The following PLLP variants were observed in gnomAD, a reference collection of about 807,000 sequenced individuals.
The protein encoded by PLLP is plasmolipin, also known as plasma membrane proteolipid (plasmolipin).
A neutral mutation model predicts 19.7 loss-of-function variants in PLLP; 15 were observed. The observed-to-expected ratio is 0.76, with a 90% CI of 0.51 to 1.17. PLLP has a LOEUF of 1.17. Ranked by LOEUF, PLLP falls within the 50% of genes most tolerant of loss-of-function variation. The pLI is 0.00. For synonymous variants in PLLP, 111 were observed against 116.3 expected (o/e 0.95, Z 0.29); for missense variants, 255 against 258.3 (o/e 0.99, Z 0.09).
chr16:57,277,924 G>C (rs1901173349), intron 1 of PLLP, among the ~76,000 whole-genome samples: 1 of 152,156 alleles, frequency 6.6e-6, no homozygotes, highest in African/African-American at 2.4e-5. Context: ...TTATGTCTCT[G>C]TAATTTTTTT....
At chr16:57,271,179 A>T (rs1345937565) in intron 1 of PLLP, among the ~76,000 whole-genome samples, 3 of 151,730 alleles carry the variant, frequency 2.0e-5, no homozygotes, top group Non-Finnish European at 2.9e-5. Context: ...AACGCAGAAG[A>T]AGTTGCAGCA....
chr16:57,271,761 T>G (rs1346064438), intron 1 of PLLP, among the ~76,000 whole-genome samples: 1 of 151,946 alleles, frequency 6.6e-6, no homozygotes, highest in African/African-American at 2.4e-5. Context: ...AGGTCCTCCC[T>G]CCACAGGCCG....
At chr16:57,260,924 T>C (rs553368473) in intron 2 of PLLP, among the ~76,000 whole-genome samples, 3 of 152,328 alleles carry the variant, frequency 2.0e-5, no homozygotes, top group South Asian at 4.1e-4. Flanking sequence ...CAGGGCTGCC[T>C]ACCTGGGCCA....
chr16:57,275,290 GA>G (rs1901136353), intron 1 of PLLP, among the ~76,000 whole-genome samples: 1 of 151,912 alleles, frequency 6.6e-6, no homozygotes, highest in South Asian at 2.1e-4. Context: ...GGGGTGGGGG[GA>G]TATCTTTTTA....
chr16:57,271,951 A>G (rs1322010836), intron 1 of PLLP, among the ~76,000 whole-genome samples: 1 of 151,748 alleles, frequency 6.6e-6, no homozygotes, highest in African/African-American at 2.4e-5. Context: ...TACCCCACAA[A>G]GCCTACCCAA....
At chr16:57,269,654 A>T (rs1471769456) in intron 1 of PLLP, among the ~76,000 whole-genome samples, 1 of 152,132 alleles carries the variant, frequency 6.6e-6, no homozygotes, top group African/African-American at 2.4e-5. Context: ...CACAGGAATG[A>T]CTACAGTGGG....
At chr16:57,280,420 C>G (rs1804812901) in intron 1 of PLLP, among the ~76,000 whole-genome samples, 1 of 152,086 alleles carries the variant, frequency 6.6e-6, no homozygotes, top group African/African-American at 2.4e-5. Context: ...TGGGAGCTCC[C>G]CATAAGCAAA....
At chr16:57,258,648 A>G (rs2075433261) in intron 2 of PLLP, 64 bp from the exon 3 acceptor site, 3 of 1,526,016 alleles carry the variant, frequency 2.0e-6, no homozygotes, top group Non-Finnish European at 2.7e-6. Flanking sequence ...GAGGCCAGAC[A>G]CGGTGGTTCA....
chr16:57,280,841 A>G (rs1159298665), intron 1 of PLLP, among the ~76,000 whole-genome samples: 1 of 152,236 alleles, frequency 6.6e-6, no homozygotes, highest in Non-Finnish European at 1.5e-5. Flanking sequence ...GAACACCACC[A>G]GACATCTGTG....
chr16:57,266,542 A>G (rs1262702044), intron 1 of PLLP, among the ~76,000 whole-genome samples: 4 of 152,166 alleles, frequency 2.6e-5, no homozygotes, highest in African/African-American at 9.7e-5. Context: ...AGGGGCCAAG[A>G]AAGATCTCAC....
chr16:57,261,397 G>A (rs2075441335), intron 2 of PLLP, among the ~76,000 whole-genome samples: 1 of 152,140 alleles, frequency 6.6e-6, no homozygotes, highest in African/African-American at 2.4e-5. Flanking sequence ...AGTCAAGCCT[G>A]TGTCCTTCCT....
At chr16:57,261,142 C>G (rs879576647) in intron 2 of PLLP, among the ~76,000 whole-genome samples, 1 of 151,912 alleles carries the variant, frequency 6.6e-6, no homozygotes, top group African/African-American at 2.4e-5. Context: ...CGCGCGCCAC[C>G]ACACCTGGCT....
chr16:57,276,234 A>G (rs1372450934), intron 1 of PLLP, among the ~76,000 whole-genome samples: 1 of 152,240 alleles, frequency 6.6e-6, no homozygotes, highest in Non-Finnish European at 1.5e-5. Flanking sequence ...AGGCAGGCAG[A>G]TCATCTGAGG....
Position 57,256,122 on chromosome 16 carries a change from T to TA in PLLP, c.*790dup, listed in dbSNP as rs1158773086. ...TAATTTCTCTCATCTTTATTTTTAT[T>TA]AAAAAAAATAAAACAGTCACCACCA... On this transcript the variant is annotated 3_prime_UTR_variant, in exon 4 of 4. Transcript: ENST00000219207. 4 of 397,898 alleles carry TA rather than the reference T, an allele frequency of 1.0e-5. No individual in the cohort carries two copies. The highest frequency in any genetic ancestry group is 1.3e-4 in the South Asian group (1 of 7,806). 24.6% of individuals were successfully genotyped at this position (397,898 alleles called of 1,614,324 possible).
intron 1 of PLLP, among the ~76,000 whole-genome samples, chr16:57,280,396 T>C (rs75815560): frequency 0.012 from 1,753 of 152,244 alleles, 39 homozygotes; most frequent in African/African-American, 0.04. Context: ...TTTATACTTA[T>C]TGTAAAAAGG....
intron 1 of PLLP, among the ~76,000 whole-genome samples, chr16:57,263,691 T>C (rs1214885909): frequency 2.0e-5 from 2 of 100,816 alleles, no homozygotes; most frequent in Non-Finnish European, 3.8e-5. Context: ...GCACCTCGGA[T>C]GTGGCCATCC....
rs776743553 is a variant in PLLP at position 57,256,965 on chromosome 16, C to T, written c.497G>A (p.Arg166Gln). 1.2e-5 allele frequency: 20 copies of T among 1,614,012 alleles called. 1 individual carries two copies. Among genetic ancestry groups the T allele is most frequent in the South Asian group, 4.4e-5 (4 of 91,076 alleles). The part of the protein sequence containing the change: ...VSAFFSYQAW[R>Q]GVGSNAATSQ... ...GGTGGCCGCATTGCTGCCTACTCCTCGCCAGGCCTGGTAGCTGAAGAAGGC... is the reference window on the plus strand; with the variant it reads ...GGTGGCCGCATTGCTGCCTACTCCTTGCCAGGCCTGGTAGCTGAAGAAGGC... Residue 166 changes from arginine to glutamine, a missense_variant, in exon 4 of 4, where the codon CGA (arginine) becomes CAA (glutamine). Coordinates refer to ENST00000219207, the MANE Select transcript of PLLP (RefSeq NM_015993.3).
chr16:57,280,359 TGA>T (rs1377432232), intron 1 of PLLP, among the ~76,000 whole-genome samples: 2 of 151,872 alleles, frequency 1.3e-5, no homozygotes, highest in African/African-American at 4.8e-5. Flanking sequence ...CTTGAAAAAA[TGA>T]GAGATGGGCA....
At chr16:57,266,482 C>T (rs1401621542) in intron 1 of PLLP, among the ~76,000 whole-genome samples, 1 of 152,106 alleles carries the variant, frequency 6.6e-6, no homozygotes, top group African/African-American at 2.4e-5. Context: ...ACACAGGCCT[C>T]GCTGTGGGCA....
Sources: gnomAD v4.1 joint callset for allele counts (sites outside exome capture counted in the v4.1 genomes callset) on GRCh38, gnomAD v4.1.1 for gene constraint, MANE v1.5 for transcripts, NCBI Gene and HGNC (gene_info 2026-07-23, HGNC 2026-07-21) for gene names.